The following CTDP1 variants were observed in gnomAD, a reference collection of about 807,000 sequenced individuals.
The protein encoded by CTDP1 is RNA polymerase II subunit A C-terminal domain phosphatase.
Under a neutral mutation model 91.8 loss-of-function variants are expected in CTDP1, and 47 were observed. The ratio of observed to expected loss-of-function variants is 0.51; its 90% CI spans 0.41 to 0.65. The LOEUF (loss-of-function observed/expected upper bound fraction) is 0.65. Ranked by LOEUF, CTDP1 falls within the 30% of genes least tolerant of loss-of-function variation. The pLI is 0.00. For missense variants in CTDP1, 1,272 were observed against 1,373.7 expected, an observed-to-expected ratio of 0.93 and a Z score of 1.17; for synonymous variants, 656 against 598.5, an observed-to-expected ratio of 1.10 and a Z score of -1.40.
In CTDP1 at chr18:79,753,853, A is replaced by G. The variant is rs1055568719; in HGVS notation, c.*63A>G. On this transcript the variant is annotated 3_prime_UTR_variant, in exon 13 of 13. Coordinates refer to ENST00000613122, the MANE Select transcript of CTDP1 (RefSeq NM_004715.5). Reference sequence around the variant, plus strand: ...TCCAGCAGCACTCGGACGTCCCCGGACCAGCCCTCAGTCTCGGTCCACGCT... The same window carrying G: ...TCCAGCAGCACTCGGACGTCCCCGGGCCAGCCCTCAGTCTCGGTCCACGCT... 12 of 1,577,996 alleles carry G rather than the reference A, an allele frequency of 7.6e-6. No individual in the cohort carries two copies. In the East Asian group the frequency reaches 1.2e-4, roughly 15 times the overall value.
intron 11 of CTDP1, among the ~76,000 whole-genome samples, chr18:79,733,086 GA>G (rs1416341237): frequency 2.0e-5 from 3 of 152,244 alleles, no homozygotes; most frequent in Non-Finnish European, 4.4e-5. Context: ...GACTGTGTGT[GA>G]ATAGCACTCA....
chr18:79,751,648 T>C (rs1013179147), intron 12 of CTDP1, among the ~76,000 whole-genome samples: 2 of 152,228 alleles, frequency 1.3e-5, no homozygotes, highest in Admixed American at 1.3e-4. Flanking sequence ...TTCTGCGCTA[T>C]AGTTTGTGTA....
At chr18:79,719,744 G>A (rs183763388) in intron 10 of CTDP1, among the ~76,000 whole-genome samples, 3 of 150,738 alleles carry the variant, frequency 2.0e-5, no homozygotes, top group Middle Eastern at 3.5e-3. Flanking sequence ...CTCCCATCGT[G>A]TCCTGGTGAT....
intron 5 of CTDP1, among the ~76,000 whole-genome samples, chr18:79,708,733 G>A (rs1373423734): frequency 4.6e-5 from 7 of 152,272 alleles, no homozygotes; most frequent in South Asian, 2.1e-4. Flanking sequence ...CCCAGCTCCC[G>A]ACTCTGGACC....
At position 79,714,494 on chromosome 18, in the gene CTDP1, A is replaced by T; in HGVS notation, c.1034A>T (p.Asn345Ile). 3 of 1,613,074 alleles carry T rather than the reference A, an allele frequency of 1.9e-6. No homozygotes were observed. Among genetic ancestry groups the T allele is most frequent in the Non-Finnish European group, 2.5e-6 (3 of 1,180,024 alleles). Reference sequence around the variant, plus strand: ...TTCCTTTTGCATGCATATTTAGTAAATCATTCTCGAGGCACTGAGGTCTCA... The same window carrying T: ...TTCCTTTTGCATGCATATTTAGTAATTCATTCTCGAGGCACTGAGGTCTCA... ...SRESQTRKKV[N>I]HSRGTEVSEP... is the part of the protein sequence containing the mutation. The change falls in exon 8 of 13, where the codon AAT (asparagine) becomes ATT (isoleucine). Residue 345 changes from asparagine to isoleucine, a missense_variant. Asn to Ile is a moderately radical substitution (Grantham distance 149). Coordinates refer to ENST00000613122, the MANE Select transcript of CTDP1 (RefSeq NM_004715.5).
In CTDP1 at chr18:79,679,882, G is replaced by T. The variant is rs1202489950; in HGVS notation, c.-66G>T. 7 of 1,316,958 alleles carry T rather than the reference G, an allele frequency of 5.3e-6. No homozygotes were observed. In the East Asian group the frequency reaches 1.9e-4, roughly 36 times the overall value. 81.6% of individuals were successfully genotyped at this position (1,316,958 alleles called of 1,614,324 possible). On this transcript the variant is annotated 5_prime_UTR_variant, in exon 1 of 13. Coordinates refer to ENST00000613122, the MANE Select transcript of CTDP1 (RefSeq NM_004715.5). ...GTCGCCGCCTGGGTTGTGTCGCCGC[G>T]GTAGGCGCTGCGCTCTGAGCGCAGC...
intron 8 of CTDP1, among the ~76,000 whole-genome samples, chr18:79,716,261 G>A (rs1170733677): frequency 6.6e-6 from 1 of 152,182 alleles, no homozygotes; most frequent in African/African-American, 2.4e-5. Context: ...CCCCGCCTCC[G>A]GGGCTCAGGA....
At position 79,706,315 on chromosome 18, in the gene CTDP1, G is replaced by A. The variant is rs145842531; in HGVS notation, c.772+1398G>A. On this transcript the variant is annotated intron_variant, in intron 5 of 12. Transcript: ENST00000613122. ...GCCCAGGCCGACTAAGCTGCCCACT[G>A]TGTGGAAATAGACCCCCAAATCCCC... Among the ~76,000 whole-genome samples, 1,504 of 152,302 alleles carry A rather than the reference G, an allele frequency of 9.9e-3. 68 individuals carry two copies. The highest frequency in any genetic ancestry group is 0.074 in the Admixed American group (1,131 of 15,302).
At chr18:79,728,160 C>T (rs558935670) in intron 10 of CTDP1, among the ~76,000 whole-genome samples, 2 of 152,026 alleles carry the variant, frequency 1.3e-5, no homozygotes, top group African/African-American at 4.8e-5. Flanking sequence ...AGTGCAGTGG[C>T]GCAATCTCGG....
At chr18:79,726,687 C>T (rs949042108) in intron 10 of CTDP1, among the ~76,000 whole-genome samples, 2 of 150,472 alleles carry the variant, frequency 1.3e-5, no homozygotes, top group Non-Finnish European at 1.5e-5. Flanking sequence ...GTTCCCCACA[C>T]GGCCTCTTTT....
intron 4 of CTDP1, among the ~76,000 whole-genome samples, chr18:79,698,562 A>T (rs2085794267): frequency 3.3e-5 from 5 of 152,164 alleles, no homozygotes. Flanking sequence ...CTCAGGATGG[A>T]ACCAGAGAAG....
chr18:79,694,970 G>A (rs1221704751), intron 1 of CTDP1, among the ~76,000 whole-genome samples: 1 of 152,158 alleles, frequency 6.6e-6, no homozygotes, highest in Non-Finnish European at 1.5e-5. Context: ...AGTTTTTTCA[G>A]CTGTTCCACG....
chr18:79,731,106 C>T (rs116330353), intron 11 of CTDP1, among the ~76,000 whole-genome samples: 5 of 152,320 alleles, frequency 3.3e-5, no homozygotes, highest in East Asian at 3.9e-4. Flanking sequence ...TACCTGCCCC[C>T]GGGTGCTCCC....
At chr18:79,711,850 C>A (rs550419984) in intron 6 of CTDP1, among the ~76,000 whole-genome samples, 4 of 152,144 alleles carry the variant, frequency 2.6e-5, no homozygotes, top group Non-Finnish European at 5.9e-5. Flanking sequence ...ACGTTTCTTG[C>A]CCACTGTATT....
Position 79,680,087 on chromosome 18 carries a change from C to G in CTDP1, c.140C>G (p.Ser47Trp), listed in dbSNP as rs1185464485. ...VAAGAAVRIGSVLAVFEAAAS... is the reference protein window; with the variant it reads ...VAAGAAVRIGWVLAVFEAAAS... ...GCGGGCGCGGCCGTGCGCATCGGCTCGGTGCTGGCCGTGTTCGAGGCCGCC... is the reference window on the plus strand; with the variant it reads ...GCGGGCGCGGCCGTGCGCATCGGCTGGGTGCTGGCCGTGTTCGAGGCCGCC... Residue 47 changes from serine to tryptophan, a missense_variant, in exon 1 of 13, where the codon TCG (serine) becomes TGG (tryptophan). This residue lies in a region of CTDP1 where 214 missense variants were observed against 179.1 expected (regional missense o/e 1.19). Coordinates refer to ENST00000613122, the MANE Select transcript of CTDP1 (RefSeq NM_004715.5). 2.3e-6 allele frequency: 3 copies of G among 1,321,274 alleles called. No homozygotes were observed. Among genetic ancestry groups the G allele is most frequent in the Admixed American group, 6.4e-5 (2 of 31,338 alleles). 81.8% of individuals were successfully genotyped at this position (1,321,274 alleles called of 1,614,324 possible).
chr18:79,694,757 GTT>G (rs2085712715), intron 1 of CTDP1, among the ~76,000 whole-genome samples: 1 of 152,240 alleles, frequency 6.6e-6, no homozygotes. Flanking sequence ...AAATAAAACA[GTT>G]TGTGTTTATA....
intron 1 of CTDP1, among the ~76,000 whole-genome samples, chr18:79,682,669 G>C (rs868128707): frequency 6.6e-6 from 1 of 152,210 alleles, no homozygotes; most frequent in South Asian, 2.1e-4. Flanking sequence ...TTTATACAGA[G>C]CGCTGACTTT....
intron 12 of CTDP1, among the ~76,000 whole-genome samples, chr18:79,741,182 T>TC (rs199708471): frequency 0.15 from 18,360 of 125,410 alleles, 1,496 homozygotes; most frequent in Non-Finnish European, 0.2. Context: ...TTGGGTGAGG[T>TC]CCCCGTGCGG....
In CTDP1 at chr18:79,694,510, C is replaced by T. The variant is rs572655570; in HGVS notation, c.315-715C>T. Reference sequence around the variant, plus strand: ...TCTCATGTCCACGGGGTGGGGTGGTCGGAGCAGCCCGGCTGGGGTGGGAGT... The same window carrying T: ...TCTCATGTCCACGGGGTGGGGTGGTTGGAGCAGCCCGGCTGGGGTGGGAGT... On this transcript the variant is annotated intron_variant, in intron 1 of 12. Transcript: ENST00000613122. Among the ~76,000 whole-genome samples the T allele has an allele frequency of 4.7e-4, 68 of 144,444 alleles. 2 individuals are homozygous for T. Among genetic ancestry groups the T allele is most frequent in the African/African-American group, 1.5e-3 (58 of 38,496 alleles). The allele number at this position is 144,444 out of a possible 152,430, so 94.8% of individuals were successfully genotyped here.
Sources: allele counts gnomAD v4.1 joint callset (sites outside exome capture counted in the v4.1 genomes callset), GRCh38; gene constraint gnomAD v4.1.1; regional missense constraint gnomAD v4.1.1; transcripts MANE v1.5; gene names NCBI Gene and HGNC (gene_info 2026-07-23, HGNC 2026-07-21).